The following PPP2R2C variants were observed in gnomAD, a reference collection of about 807,000 sequenced individuals.
The protein encoded by PPP2R2C is protein phosphatase 2 regulatory subunit Bgamma.
A neutral mutation model predicts 45.3 loss-of-function variants in PPP2R2C; 10 were observed. That is an observed-to-expected ratio of 0.22 (90% confidence interval 0.14 to 0.37). The LOEUF (loss-of-function observed/expected upper bound fraction) is 0.37. PPP2R2C is among the 10% of genes least tolerant of loss of function. The pLI is 1.00. For missense variants in PPP2R2C, 308 were observed against 619.7 expected (o/e 0.50, Z 5.34); for synonymous variants, 257 against 245.4 (o/e 1.05, Z -0.44).
chr4:6,542,721 GA>G (rs930735372), intron 1 of PPP2R2C, among the ~76,000 whole-genome samples: 20 of 144,016 alleles, frequency 1.4e-4, no homozygotes, highest in African/African-American at 4.5e-4. Flanking sequence ...AAAAGAAAAA[GA>G]AAAAAAGATC....
At chr4:6,457,612 G>A (rs1356568292) in intron 1 of PPP2R2C, among the ~76,000 whole-genome samples, 2 of 152,040 alleles carry the variant, frequency 1.3e-5, no homozygotes, top group South Asian at 2.1e-4. Context: ...GGGCTCAAGC[G>A]ATCCTCCCAC....
At chr4:6,470,144 T>A (rs1721790251) in intron 1 of PPP2R2C, among the ~76,000 whole-genome samples, 1 of 152,222 alleles carries the variant, frequency 6.6e-6, no homozygotes, top group South Asian at 2.1e-4. Context: ...ACTCCCATTT[T>A]ACAGATGGGG....
rs547537598 is a variant in PPP2R2C at position 6,413,850 on chromosome 4, C to T, written c.71-32756G>A. On this transcript the variant is annotated intron_variant, in intron 1 of 8. Transcript: ENST00000382599. ...GGGGCTCCCACTCAGGGCTGGCCAGCTCCACGATGGGGACCCTCCCAACTC... is the reference window on the plus strand; with the variant it reads ...GGGGCTCCCACTCAGGGCTGGCCAGTTCCACGATGGGGACCCTCCCAACTC... The T allele has an allele frequency of 6.5e-6, 10 of 1,535,170 alleles. No individual in the cohort carries two copies. The African/African-American group carries it at 1.4e-4, about 21-fold the overall frequency.
At chr4:6,390,856 C>T (rs1716582422) in intron 1 of PPP2R2C, among the ~76,000 whole-genome samples, 2 of 152,154 alleles carry the variant, frequency 1.3e-5, no homozygotes, top group South Asian at 2.1e-4. Flanking sequence ...CTGAATTCCA[C>T]TCTCGCTGAA....
intron 5 of PPP2R2C, among the ~76,000 whole-genome samples, chr4:6,367,786 G>A (rs1714462502): frequency 6.6e-6 from 1 of 152,192 alleles, no homozygotes; most frequent in Non-Finnish European, 1.5e-5. Flanking sequence ...GCGGCAACAG[G>A]CCATGGGGAG....
chr4:6,559,829 G>A (rs931221203), intron 1 of PPP2R2C, among the ~76,000 whole-genome samples: 7 of 152,302 alleles, frequency 4.6e-5, no homozygotes, highest in Non-Finnish European at 7.3e-5. Flanking sequence ...CCTCCAGAAC[G>A]GTGAGAAATA....
chr4:6,528,912 GCTGA>G (rs1317817668), intron 2 of PPP2R2C, among the ~76,000 whole-genome samples: 1 of 152,050 alleles, frequency 6.6e-6, no homozygotes, highest in Non-Finnish European at 1.5e-5. Context: ...ATCTCCCTTT[GCTGA>G]CTGTCTTTTC....
chr4:6,345,315 G>A lies in PPP2R2C; in HGVS notation c.790+2531C>T, dbSNP rs915438409. The stretch of plus-strand genomic sequence containing the variant: ...GTGAATGGGCGGGAGGCGTAGGTGG[G>A]GGGGCAGTGTCCTGTAGTAGGCGGT... On this transcript the variant is annotated intron_variant, in intron 6 of 8. Coordinates refer to ENST00000382599, the MANE Select transcript of PPP2R2C (RefSeq NM_020416.4). The surrounding 1 kb of genome is among the most constrained non-coding windows in gnomAD (Gnocchi z 5.3). 1.1e-4 allele frequency among the ~76,000 whole-genome samples: 17 copies of A among 152,314 alleles called. No individual in the cohort carries two copies. Among genetic ancestry groups the A allele is most frequent in the African/African-American group, 3.8e-4 (16 of 41,570 alleles).
intron 5 of PPP2R2C, among the ~76,000 whole-genome samples, chr4:6,360,954 A>G (rs1196588613): frequency 6.6e-6 from 1 of 152,056 alleles, no homozygotes; most frequent in African/African-American, 2.4e-5. Flanking sequence ...TGTGGGTTCT[A>G]ATCACCTCTT....
intron 1 of PPP2R2C, among the ~76,000 whole-genome samples, chr4:6,404,730 G>T (rs1717678484): frequency 6.6e-6 from 1 of 152,220 alleles, no homozygotes. Flanking sequence ...GGAAGCAGGG[G>T]TCTGCACCAA....
intron 2 of PPP2R2C, among the ~76,000 whole-genome samples, chr4:6,527,317 G>A (rs181571679): frequency 1.3e-5 from 2 of 152,272 alleles, no homozygotes; most frequent in Admixed American, 6.5e-5. Flanking sequence ...TCCAGTCCTT[G>A]CCCATTTCTG....
intron 1 of PPP2R2C, among the ~76,000 whole-genome samples, chr4:6,414,694 C>G (rs1718448633): frequency 6.6e-6 from 1 of 151,916 alleles, no homozygotes; most frequent in Admixed American, 6.6e-5. Flanking sequence ...TCTTGTTGGG[C>G]TCCTAATGTA....
chr4:6,353,091 T>A (rs960389171), intron 5 of PPP2R2C, among the ~76,000 whole-genome samples: 1 of 152,018 alleles, frequency 6.6e-6, no homozygotes, highest in Non-Finnish European at 1.5e-5. Context: ...AACACCTGGA[T>A]TGAGAACTTG....
At chr4:6,354,673 T>G (rs1285294822) in intron 5 of PPP2R2C, among the ~76,000 whole-genome samples, 1 of 90,892 alleles carries the variant, frequency 1.1e-5, no homozygotes, top group African/African-American at 4.5e-5. Context: ...CAACACACAC[T>G]AACAGGGTGC....
At chr4:6,398,270 TA>T (rs58450908) in intron 1 of PPP2R2C, among the ~76,000 whole-genome samples, 27,427 of 152,042 alleles carry the variant, frequency 0.18, 2,810 homozygotes, top group South Asian at 0.26. Context: ...TATCAAAGCT[TA>T]AACCTTTGCT....
chr4:6,508,721 T>C (rs1026724530), intron 2 of PPP2R2C, among the ~76,000 whole-genome samples: 2 of 151,642 alleles, frequency 1.3e-5, no homozygotes, highest in African/African-American at 2.4e-5. Flanking sequence ...TTAACTGGAG[T>C]ATGACCTTCT....
At chr4:6,402,933 C>T (rs1043466661) in intron 1 of PPP2R2C, among the ~76,000 whole-genome samples, 4 of 152,208 alleles carry the variant, frequency 2.6e-5, no homozygotes, top group African/African-American at 9.7e-5. Context: ...TCTGCAAAGC[C>T]ATGAAGGCCT....
intron 6 of PPP2R2C, among the ~76,000 whole-genome samples, chr4:6,334,882 C>A (rs1732721500): frequency 6.6e-6 from 1 of 152,210 alleles, no homozygotes; most frequent in South Asian, 2.1e-4. Context: ...CTGCTGGCCC[C>A]TCTCAGCCAC....
chr4:6,349,581 T>G (rs1297558919), intron 5 of PPP2R2C: 1 of 985,218 alleles, frequency 1.0e-6, no homozygotes, highest in Admixed American at 6.2e-5. Context: ...AAAGCAGTAT[T>G]TGTAATCCCA....
Sources: allele counts gnomAD v4.1 joint callset (sites outside exome capture counted in the v4.1 genomes callset), GRCh38; gene constraint gnomAD v4.1.1; non-coding constraint Gnocchi (gnomAD v3.1); transcripts MANE v1.5; gene names NCBI Gene and HGNC (gene_info 2026-07-23, HGNC 2026-07-21).